The following GRIP1 variants were observed in gnomAD, a reference collection of about 807,000 sequenced individuals.
GRIP1 encodes the protein glutamate receptor-interacting protein 1.
A neutral mutation model predicts 129.9 loss-of-function variants in GRIP1; 45 were observed. That is an observed-to-expected ratio of 0.35 (90% CI 0.27 to 0.44). The LOEUF is 0.44. GRIP1 is among the 20% of genes least tolerant of loss of function. GRIP1 has a pLI of 1.00. For missense variants in GRIP1, 1,196 were observed against 1,396.8 expected (o/e 0.86, Z 2.29); for synonymous variants, 530 against 520.8 (o/e 1.02, Z -0.24).
At chr12:66,569,391 C>T (rs888791006) in intron 2 of GRIP1, among the ~76,000 whole-genome samples, 1 of 152,132 alleles carries the variant, frequency 6.6e-6, no homozygotes, top group Non-Finnish European at 1.5e-5. Context: ...GCAGGAGAAT[C>T]GCTTGAACCC....
At chr12:67,057,587 T>C (rs186743148) in intron 1 of GRIP1, among the ~76,000 whole-genome samples, 1 of 152,182 alleles carries the variant, frequency 6.6e-6, no homozygotes, top group African/African-American at 2.4e-5. Context: ...AGTTATTGAG[T>C]ATAGAGCCAA....
chr12:66,579,391 T>A (rs982021023), intron 2 of GRIP1, among the ~76,000 whole-genome samples: 17 of 152,114 alleles, frequency 1.1e-4, no homozygotes, highest in African/African-American at 3.9e-4. Context: ...TCACCAGCAA[T>A]GGAACAAAGC....
chr12:66,484,289 G>A (rs535124119), intron 7 of GRIP1, among the ~76,000 whole-genome samples: 3 of 152,112 alleles, frequency 2.0e-5, no homozygotes, highest in Non-Finnish European at 4.4e-5. Context: ...ATTGTTAGGG[G>A]TAATTTATTA....
upstream of GRIP1, among the ~76,000 whole-genome samples, chr12:66,808,464 C>CT (rs756601278): frequency 9.9e-5 from 15 of 151,930 alleles, no homozygotes; most frequent in Non-Finnish European, 1.6e-4. Context: ...TGTCCAGCTA[C>CT]TTTTTGTGTT....
chr12:66,377,797 GA>G (rs1377706969), intron 20 of GRIP1, among the ~76,000 whole-genome samples: 1 of 152,042 alleles, frequency 6.6e-6, no homozygotes, highest in Non-Finnish European at 1.5e-5. Context: ...TGTGAAGATG[GA>G]AAGGATGGTC....
intron 1 of GRIP1, among the ~76,000 whole-genome samples, chr12:67,057,505 TA>T (rs2043458569): frequency 6.6e-6 from 1 of 151,520 alleles, no homozygotes. Context: ...CTGGGAAGAC[TA>T]ATACACTGCC....
At chr12:66,413,619 C>A (rs2057478160) in intron 15 of GRIP1, among the ~76,000 whole-genome samples, 1 of 152,056 alleles carries the variant, frequency 6.6e-6, no homozygotes, top group Admixed American at 6.5e-5. Context: ...ATCCTGATAC[C>A]AAAACCTGGG....
At chr12:66,547,960 A>T (rs1463234908) in intron 2 of GRIP1, among the ~76,000 whole-genome samples, 2 of 152,216 alleles carry the variant, frequency 1.3e-5, no homozygotes, top group Non-Finnish European at 2.9e-5. Flanking sequence ...ACAACTGCAT[A>T]TGAATCTACA....
At chr12:66,754,905 T>C (rs981349423) in intron 1 of GRIP1, among the ~76,000 whole-genome samples, 7 of 152,122 alleles carry the variant, frequency 4.6e-5, no homozygotes, top group African/African-American at 1.4e-4. Context: ...ATGAAATTGA[T>C]CAGAAGGCAA....
chr12:66,369,924 CCT>C (rs2055391119), intron 23 of GRIP1, among the ~76,000 whole-genome samples: 1 of 152,180 alleles, frequency 6.6e-6, no homozygotes, highest in African/African-American at 2.4e-5. Context: ...AACAAGCTAA[CCT>C]GTGGCTGGGG....
intron 1 of GRIP1, among the ~76,000 whole-genome samples, chr12:66,661,284 T>C (rs953321039): frequency 2.0e-5 from 3 of 152,036 alleles, no homozygotes; most frequent in Non-Finnish European, 2.9e-5. Context: ...AGTTCTTCCG[T>C]TGGAGATTTA....
chr12:66,984,034 C>T (rs959675378), intron 1 of GRIP1, among the ~76,000 whole-genome samples: 20 of 152,246 alleles, frequency 1.3e-4, no homozygotes, highest in African/African-American at 4.3e-4. Flanking sequence ...TACAGCATTT[C>T]GTGACCACAG....
chr12:66,352,413 T>C (rs2054273960), intron 24 of GRIP1, among the ~76,000 whole-genome samples: 2 of 152,130 alleles, frequency 1.3e-5, no homozygotes, highest in Non-Finnish European at 2.9e-5. Flanking sequence ...ACACCATTCC[T>C]GAAACAAATC....
intron 1 of GRIP1, among the ~76,000 whole-genome samples, chr12:67,016,719 C>T (rs1275938976): frequency 6.6e-6 from 1 of 151,998 alleles, no homozygotes; most frequent in African/African-American, 2.4e-5. Context: ...TTTTTAGAAA[C>T]AAATAAATTG....
chr12:66,652,518 A>G (rs1001569037), intron 1 of GRIP1, among the ~76,000 whole-genome samples: 1 of 152,196 alleles, frequency 6.6e-6, no homozygotes, highest in Non-Finnish European at 1.5e-5. Flanking sequence ...CAGGGAGAAA[A>G]CAAGAAAACG....
intron 1 of GRIP1, among the ~76,000 whole-genome samples, chr12:66,878,602 T>G (rs1307695395): frequency 6.6e-6 from 1 of 152,010 alleles, no homozygotes; most frequent in Non-Finnish European, 1.5e-5. Flanking sequence ...ATTCTACATA[T>G]TCAACATTCA....
chr12:66,871,999 T>C (rs1421627867), intron 1 of GRIP1, among the ~76,000 whole-genome samples: 1 of 152,086 alleles, frequency 6.6e-6, no homozygotes, highest in Non-Finnish European at 1.5e-5. Context: ...ACCCAGCTCA[T>C]ACATAACTGT....
intron 1 of GRIP1, among the ~76,000 whole-genome samples, chr12:66,766,666 G>A (rs1009032577): frequency 6.6e-6 from 1 of 151,972 alleles, no homozygotes; most frequent in African/African-American, 2.4e-5. Flanking sequence ...GGGAGATTCA[G>A]TAACAGTACA....
At chr12:66,877,877 T>G (rs2061896812) in intron 1 of GRIP1, among the ~76,000 whole-genome samples, 1 of 151,834 alleles carries the variant, frequency 6.6e-6, no homozygotes, top group Admixed American at 6.6e-5. Flanking sequence ...GGATGGAAAA[T>G]GAAAGAAGTG....
Sources: allele counts gnomAD v4.1 joint callset (sites outside exome capture counted in the v4.1 genomes callset), GRCh38; gene constraint gnomAD v4.1.1; transcripts MANE v1.5; gene names NCBI Gene and HGNC (gene_info 2026-07-23, HGNC 2026-07-21).